The following SP110 variants were observed in gnomAD, a reference collection of about 807,000 sequenced individuals.
The protein encoded by SP110 is SP110 nuclear body protein.
Under a neutral mutation model 92.7 loss-of-function variants are expected in SP110, and 62 were observed. The observed-to-expected ratio is 0.67, with a 90% CI of 0.55 to 0.83. The LOEUF (loss-of-function observed/expected upper bound fraction) is 0.83, where lower values mean the gene tolerates loss of function less well. SP110 is among the 40% of genes least tolerant of loss of function. The pLI is 0.00. For synonymous variants in SP110, 273 were observed against 305.3 expected (o/e 0.89, Z 1.10); for missense variants, 793 against 863.9 (o/e 0.92, Z 1.03).
At position 230,176,422 on chromosome 2, in the gene SP110, G is replaced by A. The variant is rs2041862686; in HGVS notation, c.1590+1116C>T. 1.2e-5 allele frequency: 16 copies of A among 1,368,860 alleles called. No individual in the cohort carries two copies. The South Asian group carries it at 2.3e-4, about 20-fold the overall frequency. 84.8% of individuals were successfully genotyped at this position (1,368,860 alleles called of 1,614,324 possible). A position where few individuals can be genotyped will look rare whatever the true frequency, so the allele number is the denominator to read the frequency against. On this transcript the variant is annotated intron_variant, in intron 14 of 18. Transcript: ENST00000258381. ...GAGCATTTTATTTCTGACACCTTTG[G>A]TTTATAGCCATCCAAATATCCAGAT... is the stretch of plus-strand genomic sequence containing the variant.
upstream of SP110, chr2:230,221,838 G>C: frequency 2.9e-6 from 3 of 1,027,478 alleles, no homozygotes; most frequent in South Asian, 2.8e-5. Context: ...AGTAAAGCAG[G>C]AGTGGGAAAA....
At position 230,166,010 on chromosome 2, in the gene SP110, C is replaced by T. The variant is rs1223628765; in HGVS notation, c.*3114G>A. Among the ~76,000 whole-genome samples the T allele has an allele frequency of 6.6e-6, 1 of 151,626 alleles. No homozygotes were observed. Among genetic ancestry groups the T allele is most frequent in the East Asian group, 1.9e-4 (1 of 5,160 alleles). ...CCGGGTTCAAGCGATTCTCCTGCCT[C>T]AGCCTCTTGAGTAGCTGGGACTACA... On this transcript the variant is annotated 3_prime_UTR_variant, in exon 19 of 19. Transcript: ENST00000258381.
chr2:230,185,212 G>C (rs2042300763), intron 11 of SP110, among the ~76,000 whole-genome samples: 1 of 152,194 alleles, frequency 6.6e-6, no homozygotes. Context: ...AGAAGACAAA[G>C]GGGCTCTTAA....
intron 18 of SP110, 48 bp downstream of exon 18, chr2:230,170,573 A>T (rs770350146): frequency 1.2e-6 from 2 of 1,609,386 alleles, no homozygotes; most frequent in East Asian, 4.5e-5. Context: ...CCCAGAAATT[A>T]GGGGAAAGTA....
intron 10 of SP110, among the ~76,000 whole-genome samples, chr2:230,191,486 C>A: frequency 6.6e-6 from 1 of 152,156 alleles, no homozygotes; most frequent in South Asian, 2.1e-4. Flanking sequence ...AAACTACCAT[C>A]AGAGAATACT....
Position 230,212,425 on chromosome 2 carries a change from T to G in SP110, c.589A>C (p.Asn197His). ...IQEGRSTSVT[N>H]DKLTSKMNAE... is the part of the protein sequence containing the mutation. The stretch of plus-strand genomic sequence containing the variant: ...TTCATTTTGGATGTTAACTTGTCAT[T>G]GGTCACTGAAGGAGGAAAGGAAATT... Residue 197 changes from asparagine to histidine, a missense_variant, in exon 5 of 19, where the codon AAT becomes CAT. Asn to His is a moderately conservative substitution (Grantham distance 68). Transcript: ENST00000258381. The G allele has an allele frequency of 6.2e-7, 1 of 1,609,352 alleles. No homozygotes were observed. Among genetic ancestry groups the G allele is most frequent in the Non-Finnish European group, 8.5e-7 (1 of 1,175,600 alleles).
intron 4 of SP110, 55 bp from the exon 5 acceptor site, chr2:230,212,485 G>C: frequency 7.2e-7 from 1 of 1,387,490 alleles, no homozygotes; most frequent in South Asian, 1.2e-5. Flanking sequence ...TCAGGGAGAA[G>C]AGTGAATGTT....
rs1367780096 is a variant in SP110, at chr2:230,207,853, T to C, written c.898+138A>G. The C allele has an allele frequency of 3.3e-5, 22 of 658,670 alleles. 1 individual carries two copies. Among genetic ancestry groups the C allele is most frequent in the South Asian group, 1.9e-4 (11 of 59,068 alleles). The allele number at this position is 658,670 out of a possible 1,614,324, so 40.8% of individuals were successfully genotyped here. On this transcript the variant is annotated intron_variant, in intron 8 of 18. Coordinates refer to ENST00000258381, the MANE Select transcript of SP110 (RefSeq NM_080424.4). ...ACACCGTAGCAAAATTGAGCTTACA[T>C]TGTGTCACTTCACTGACTAAATCTC...
At chr2:230,209,070 T>TAACAAA (rs2044187598) in intron 7 of SP110, among the ~76,000 whole-genome samples, 3 of 152,184 alleles carry the variant, frequency 2.0e-5, no homozygotes, top group African/African-American at 7.2e-5. Flanking sequence ...TTTTTGATTC[T>TAACAAA]TTTTCTTTTG....
At chr2:230,182,037 C>G (rs535363918) in intron 12 of SP110, among the ~76,000 whole-genome samples, 1 of 152,210 alleles carries the variant, frequency 6.6e-6, no homozygotes, top group Non-Finnish European at 1.5e-5. Flanking sequence ...TTCACAATAG[C>G]AAAGACATGG....
intron 2 of SP110, among the ~76,000 whole-genome samples, chr2:230,216,221 T>C (rs1362499981): frequency 6.6e-6 from 1 of 152,228 alleles, no homozygotes; most frequent in Non-Finnish European, 1.5e-5. Context: ...AATCTGTGAA[T>C]GTGAACTTAT....
At position 230,170,684 on chromosome 2, in the gene SP110, G is replaced by A. The variant is rs375757117; in HGVS notation, c.1965C>T (p.Tyr655=). The change falls in exon 18 of 19, where the codon TAC becomes TAT. Residue 655 remains tyrosine (Y), a synonymous_variant. Coordinates refer to ENST00000258381, the MANE Select transcript of SP110 (RefSeq NM_080424.4). The part of the protein sequence containing the change: ...LVKERLITEM[Y]TVAWFVRDMR... ...TGTCTCGCACAAACCATGCCACCGT[G>A]TACATTTCCGTAATCAGCCTTTCCT... The A allele has an allele frequency of 1.7e-5, 28 of 1,613,982 alleles. No homozygotes were observed. The highest frequency in any genetic ancestry group is 2.3e-5 in the Non-Finnish European group (27 of 1,180,006).
At position 230,176,416 on chromosome 2, in the gene SP110, C is replaced by A. The variant is rs889218413; in HGVS notation, c.1590+1122G>T. 3 of 1,341,058 alleles carry A rather than the reference C, an allele frequency of 2.2e-6. No homozygotes were observed. The East Asian group carries it at 9.0e-5, about 40-fold the overall frequency. The allele number at this position is 1,341,058 out of a possible 1,614,324, so 83.1% of individuals were successfully genotyped here. ...GGCTTAGAGCATTTTATTTCTGACACCTTTGGTTTATAGCCATCCAAATAT... is the reference window on the plus strand; with the variant it reads ...GGCTTAGAGCATTTTATTTCTGACAACTTTGGTTTATAGCCATCCAAATAT... On this transcript the variant is annotated intron_variant, in intron 14 of 18. Coordinates refer to ENST00000258381, the MANE Select transcript of SP110 (RefSeq NM_080424.4).
At chr2:230,181,227 G>C (rs4973285) in intron 12 of SP110, among the ~76,000 whole-genome samples, 120,629 of 152,174 alleles carry the variant, frequency 0.79, 47,908 homozygotes, top group Admixed American at 0.84. Context: ...TGACAGATGA[G>C]GTAGTGAATT....
chr2:230,205,838 G>A (rs2043731882), intron 8 of SP110, among the ~76,000 whole-genome samples: 1 of 152,164 alleles, frequency 6.6e-6, no homozygotes, highest in Admixed American at 6.5e-5. Context: ...CGTAGAGTTG[G>A]GAGCCATCAG....
intron 12 of SP110, among the ~76,000 whole-genome samples, 160 bp from the exon 13 acceptor site, chr2:230,178,415 G>A (rs1317615706): frequency 1.3e-5 from 2 of 151,768 alleles, no homozygotes; most frequent in African/African-American, 2.4e-5. Flanking sequence ...TAAGCTATGT[G>A]TACACAGTGG....
Position 230,169,116 on chromosome 2 carries a change from G to C in SP110, c.*8C>G, listed in dbSNP as rs753637736. The C allele has an allele frequency of 1.3e-6, 2 of 1,575,218 alleles. No individual in the cohort carries two copies. The highest frequency in any genetic ancestry group is 1.7e-6 in the Non-Finnish European group (2 of 1,144,718). On this transcript the variant is annotated 3_prime_UTR_variant, in exon 19 of 19. Coordinates refer to ENST00000258381, the MANE Select transcript of SP110 (RefSeq NM_080424.4). ...AGGTGGGGATGCTTCAGTCTTTACA[G>C]AACAGGGTCAAGGAAGAGTCCAGAA...
At chr2:230,172,263 G>T (rs1038161984) in intron 15 of SP110, 89 bp from the exon 16 acceptor site, 1 of 870,452 alleles carries the variant, frequency 1.1e-6, no homozygotes, top group Non-Finnish European at 2.0e-6. Context: ...CCTCAGGAAG[G>T]ATGGGCTCAG....
At chr2:230,204,171 G>A (rs999598966) in intron 8 of SP110, among the ~76,000 whole-genome samples, 7 of 152,178 alleles carry the variant, frequency 4.6e-5, no homozygotes, top group African/African-American at 1.4e-4. Context: ...TACTCCTTTC[G>A]GTAGCTTGGC....
Sources: gnomAD v4.1 joint callset for allele counts (sites outside exome capture counted in the v4.1 genomes callset) on GRCh38, gnomAD v4.1.1 for gene constraint, MANE v1.5 for transcripts, NCBI Gene and HGNC (gene_info 2026-07-23, HGNC 2026-07-21) for gene names.